The following LRP5 variants were observed in gnomAD, a reference collection of about 807,000 sequenced individuals.
The protein encoded by LRP5 is low-density lipoprotein receptor-related protein 5.
A neutral mutation model predicts 154.1 loss-of-function variants in LRP5; 62 were observed. The ratio of observed to expected loss-of-function variants is 0.40; its 90% CI spans 0.33 to 0.50. The LOEUF is 0.50. LRP5 is among the 20% of genes least tolerant of loss of function. LRP5 has a pLI of 0.55. For missense variants in LRP5, 1,915 were observed against 2,336.7 expected (o/e 0.82, Z 3.72); for synonymous variants, 966 against 1,011.5 (o/e 0.96, Z 0.85).
intron 1 of LRP5, among the ~76,000 whole-genome samples, chr11:68,333,325 T>C (rs1156326020): frequency 1.3e-5 from 2 of 152,248 alleles, no homozygotes; most frequent in Non-Finnish European, 1.5e-5. Context: ...AAGAATGTTG[T>C]TAATGGCCCA....
intron 1 of LRP5, among the ~76,000 whole-genome samples, chr11:68,339,888 A>G (rs1028461990): frequency 1.3e-5 from 2 of 152,246 alleles, no homozygotes; most frequent in Non-Finnish European, 1.5e-5. Flanking sequence ...GGATCATTCT[A>G]TGTGTAACTT....
chr11:68,333,246 C>T (rs559897666), intron 1 of LRP5, among the ~76,000 whole-genome samples: 2 of 152,274 alleles, frequency 1.3e-5, no homozygotes, highest in South Asian at 2.1e-4. Context: ...TACATAAAAG[C>T]GAGCCTGGGT....
chr11:68,445,680 G>C, intron 21 of LRP5: 2 of 1,318,020 alleles, frequency 1.5e-6, no homozygotes, highest in Non-Finnish European at 2.0e-6. Flanking sequence ...AGTGGCACTT[G>C]TGGAAGGTGC....
At chr11:68,384,778 C>T (rs540991114) in intron 5 of LRP5, among the ~76,000 whole-genome samples, 23 of 152,164 alleles carry the variant, frequency 1.5e-4, no homozygotes, top group African/African-American at 5.1e-4. Context: ...ATCCTGTAAC[C>T]CCCCACCCCC....
chr11:68,361,401 C>G lies in LRP5; in HGVS notation c.687-2346C>G, dbSNP rs181472822. ...CCTGTAATCCCAGAACTTTGGGAGG[C>G]CAAGGCAGGTGGATCATGAAGTTAG... On this transcript the variant is annotated intron_variant, in intron 3 of 22. Transcript: ENST00000294304. Among the ~76,000 whole-genome samples, 63 of 152,072 alleles carry G rather than the reference C, an allele frequency of 4.1e-4. No individual in the cohort carries two copies. In the East Asian group the frequency reaches 0.012, roughly 29 times the overall value.
intron 2 of LRP5, among the ~76,000 whole-genome samples, chr11:68,355,600 C>T (rs1046816045): frequency 2.0e-5 from 3 of 152,206 alleles, no homozygotes; most frequent in Admixed American, 6.5e-5. Flanking sequence ...CTGTGGTCAC[C>T]TCCAAACAGG....
At chr11:68,367,746 A>G (rs1739576929) in intron 5 of LRP5, among the ~76,000 whole-genome samples, 1 of 152,122 alleles carries the variant, frequency 6.6e-6, no homozygotes, top group South Asian at 2.1e-4. Flanking sequence ...AGAGAGAATC[A>G]CCGGAATATG....
At chr11:68,329,839 C>G (rs773721131) in intron 1 of LRP5, among the ~76,000 whole-genome samples, 13 of 152,174 alleles carry the variant, frequency 8.5e-5, no homozygotes, top group Non-Finnish European at 1.9e-4. Context: ...GGCCTTGGGC[C>G]GCTTCCGGGG....
intron 16 of LRP5, among the ~76,000 whole-genome samples, chr11:68,428,506 G>A (rs908353076): frequency 3.9e-5 from 6 of 151,968 alleles, no homozygotes; most frequent in African/African-American, 7.3e-5. Context: ...GGGTGCCAGC[G>A]TTCCACACTT....
At chr11:68,385,642 C>T (rs2098642584) in intron 5 of LRP5, among the ~76,000 whole-genome samples, 1 of 151,946 alleles carries the variant, frequency 6.6e-6, no homozygotes, top group African/African-American at 2.4e-5. Flanking sequence ...CTTGGTGTTC[C>T]TGAAAGTGCC....
rs1565339539 is a variant in LRP5, at chr11:68,353,548, T to C, written c.489-4102T>C. 6.6e-6 allele frequency among the ~76,000 whole-genome samples: 1 copy of C among 152,172 alleles called. No individual in the cohort carries two copies. ...GGTCCTCAGGCATAAGTGTGGGCGC[T>C]GAGTCCTGGGGCAGGACTGCTGTCC... is the stretch of plus-strand genomic sequence containing the variant. On this transcript the variant is annotated intron_variant, in intron 2 of 22. Coordinates refer to ENST00000294304, the MANE Select transcript of LRP5 (RefSeq NM_002335.4). The surrounding 1 kb of genome is among the most constrained non-coding windows in gnomAD (Gnocchi z 4.5).
rs1284293100 is a variant in LRP5, at chr11:68,353,797, T to A, written c.489-3853T>A. 2.0e-5 allele frequency among the ~76,000 whole-genome samples: 3 copies of A among 152,196 alleles called. No homozygotes were observed. Among genetic ancestry groups the A allele is most frequent in the Non-Finnish European group, 4.4e-5 (3 of 68,030 alleles). On this transcript the variant is annotated intron_variant, in intron 2 of 22. Transcript: ENST00000294304. The surrounding 1 kb of genome is among the most constrained non-coding windows in gnomAD (Gnocchi z 4.5). The stretch of plus-strand genomic sequence containing the variant: ...CTGGGTCCGAGCGTCCACCTCAGTG[T>A]GCACGTGGCCAAAAGGATCAAGAGC...
intron 1 of LRP5, among the ~76,000 whole-genome samples, chr11:68,347,055 C>T (rs897594358): frequency 6.6e-6 from 1 of 152,118 alleles, no homozygotes; most frequent in African/African-American, 2.4e-5. Context: ...AGCCTGGCCG[C>T]AGGCAGATCA....
chr11:68,388,814 C>G (rs1196543991), intron 6 of LRP5, among the ~76,000 whole-genome samples: 1 of 152,298 alleles, frequency 6.6e-6, no homozygotes, highest in Middle Eastern at 3.4e-3. Flanking sequence ...GTGGTGAAAC[C>G]CGCACAGGGT....
intron 7 of LRP5, among the ~76,000 whole-genome samples, chr11:68,393,582 A>T (rs2098647580): frequency 6.6e-6 from 1 of 152,088 alleles, no homozygotes; most frequent in Non-Finnish European, 1.5e-5. Flanking sequence ...GGAGTTCGAG[A>T]CGAGCCTGGC....
intron 13 of LRP5, among the ~76,000 whole-genome samples, chr11:68,418,932 G>T (rs1009018478): frequency 2.0e-5 from 3 of 152,178 alleles, no homozygotes; most frequent in African/African-American, 4.8e-5. Flanking sequence ...CACTGGAGCT[G>T]CGTTCTTTTA....
At chr11:68,319,560 C>G (rs563158977) in intron 1 of LRP5, among the ~76,000 whole-genome samples, 1 of 152,154 alleles carries the variant, frequency 6.6e-6, no homozygotes, top group East Asian at 1.9e-4. Flanking sequence ...CTCACTATTG[C>G]CCAGCTCCTG....
chr11:68,327,581 A>G (rs112462385), intron 1 of LRP5, among the ~76,000 whole-genome samples: 1,898 of 152,266 alleles, frequency 0.012, 50 homozygotes, highest in African/African-American at 0.044. Flanking sequence ...GTGACTTTGC[A>G]TTGGTTTCTT....
At chr11:68,374,259 C>G (rs994097956) in intron 5 of LRP5, among the ~76,000 whole-genome samples, 2 of 152,204 alleles carry the variant, frequency 1.3e-5, no homozygotes, top group Non-Finnish European at 2.9e-5. Context: ...AAGCAGGGCC[C>G]GCTCAGCTCG....
Sources: gnomAD v4.1 joint callset for allele counts (sites outside exome capture counted in the v4.1 genomes callset) on GRCh38, gnomAD v4.1.1 for gene constraint, Gnocchi (gnomAD v3.1) non-coding constraint, MANE v1.5 for transcripts, NCBI Gene and HGNC (gene_info 2026-07-23, HGNC 2026-07-21) for gene names.